The following PDE4D variants were observed in gnomAD, a reference collection of about 807,000 sequenced individuals.
PDE4D encodes 3',5'-cyclic-AMP phosphodiesterase 4D.
A neutral mutation model predicts 87.4 loss-of-function variants in PDE4D; 24 were observed. That is an observed-to-expected ratio of 0.27 (90% CI 0.20 to 0.39). The LOEUF (loss-of-function observed/expected upper bound fraction) is 0.39, where lower values mean the gene tolerates loss of function less well. Ranked by LOEUF, PDE4D falls within the 10% of genes least tolerant of loss-of-function variation. PDE4D has a pLI of 1.00. For synonymous variants in PDE4D, 384 were observed against 383.2 expected, an observed-to-expected ratio of 1.00 and a Z score of -0.02; for missense variants, 714 against 1,041.0, an observed-to-expected ratio of 0.69 and a Z score of 4.32.
intron 5 of PDE4D, among the ~76,000 whole-genome samples, chr5:59,132,514 C>T (rs1263237607): frequency 6.6e-6 from 1 of 152,174 alleles, no homozygotes; most frequent in Non-Finnish European, 1.5e-5. Context: ...ATCCAGAGGA[C>T]CTTATTCAAT....
At chr5:59,819,461 ACACAC>A (rs148178575) in intron 1 of PDE4D, among the ~76,000 whole-genome samples, 1 of 152,250 alleles carries the variant, frequency 6.6e-6, no homozygotes, top group African/African-American at 2.4e-5. Flanking sequence ...TCAGAATTTT[ACACAC>A]CACAGCATTG....
At chr5:60,391,782 G>A (rs1018615519) in intron 1 of PDE4D, among the ~76,000 whole-genome samples, 1 of 152,134 alleles carries the variant, frequency 6.6e-6, no homozygotes, top group Non-Finnish European at 1.5e-5. Flanking sequence ...TTCCAGAGAT[G>A]AGAACATAAA....
chr5:60,071,334 C>T (rs1425617043), intron 2 of PDE4D, among the ~76,000 whole-genome samples: 1 of 151,864 alleles, frequency 6.6e-6, no homozygotes, highest in Non-Finnish European at 1.5e-5. Flanking sequence ...AAATGGGATG[C>T]ATTCTTTAAT....
chr5:59,639,851 G>C (rs1741261029), intron 1 of PDE4D, among the ~76,000 whole-genome samples: 2 of 129,422 alleles, frequency 1.5e-5, no homozygotes, highest in South Asian at 5.3e-4. Context: ...GTGTGTGTGT[G>C]TGTGTGATGG....
intron 1 of PDE4D, among the ~76,000 whole-genome samples, chr5:59,750,045 C>A (rs1331622781): frequency 6.7e-6 from 1 of 148,284 alleles, no homozygotes; most frequent in Non-Finnish European, 1.5e-5. Context: ...TCCACAAATT[C>A]TGTTGGCTGT....
At chr5:60,066,592 T>TATCATCATCATCATCATCATCATC (rs55735827) in intron 2 of PDE4D, among the ~76,000 whole-genome samples, 1 of 149,580 alleles carries the variant, frequency 6.7e-6, no homozygotes, top group African/African-American at 2.5e-5. Flanking sequence ...TAAAGCAAAT[T>TATCATCATCATCATCATCATCATC]ATCATCATCA....
intron 1 of PDE4D, among the ~76,000 whole-genome samples, chr5:60,398,132 A>C (rs1282640690): frequency 6.6e-6 from 1 of 152,202 alleles, no homozygotes; most frequent in South Asian, 2.1e-4. Flanking sequence ...AATAAAAAAA[A>C]TTGCCCAAGA....
At chr5:60,271,193 T>C (rs1479025894) in intron 1 of PDE4D, among the ~76,000 whole-genome samples, 2 of 152,214 alleles carry the variant, frequency 1.3e-5, no homozygotes, top group East Asian at 1.9e-4. Context: ...TTAAAAATTC[T>C]TCAAAAACAG....
At chr5:59,133,986 G>GTTGT in intron 5 of PDE4D, among the ~76,000 whole-genome samples, 1 of 150,144 alleles carries the variant, frequency 6.7e-6, no homozygotes, top group African/African-American at 2.5e-5. Flanking sequence ...AACTAGTTTT[G>GTTGT]TTGTTGTTGT....
intron 2 of PDE4D, among the ~76,000 whole-genome samples, chr5:60,164,578 T>A (rs1782728731): frequency 6.6e-6 from 1 of 152,204 alleles, no homozygotes; most frequent in African/African-American, 2.4e-5. Flanking sequence ...TCACTACTTA[T>A]AAGCAAATAT....
chr5:59,319,116 C>A (rs974916499), intron 1 of PDE4D, among the ~76,000 whole-genome samples: 3 of 151,232 alleles, frequency 2.0e-5, no homozygotes, highest in Non-Finnish European at 4.4e-5. Context: ...TGTGCAGTAT[C>A]CTTAAACTAC....
intron 6 of PDE4D, among the ~76,000 whole-genome samples, chr5:58,998,423 T>C (rs1749716099): frequency 1.3e-5 from 2 of 152,138 alleles, no homozygotes; most frequent in African/African-American, 4.8e-5. Flanking sequence ...TCTATACTTT[T>C]CTGCATTTCT....
intron 2 of PDE4D, among the ~76,000 whole-genome samples, chr5:60,088,276 A>T (rs1307958115): frequency 6.6e-6 from 1 of 152,046 alleles, no homozygotes; most frequent in Non-Finnish European, 1.5e-5. Context: ...AATCTGAAAA[A>T]AAAATGGATG....
chr5:59,382,191 T>C (rs1785998916), intron 1 of PDE4D, among the ~76,000 whole-genome samples: 1 of 152,112 alleles, frequency 6.6e-6, no homozygotes, highest in Non-Finnish European at 1.5e-5. Context: ...ATACAAACAC[T>C]GCATAGATTT....
chr5:60,021,942 G>C (rs1766107990), intron 2 of PDE4D: 1 of 152,088 alleles, frequency 6.6e-6, no homozygotes, highest in African/African-American at 2.4e-5. Flanking sequence ...CAAACTCCTA[G>C]GCCCAAGTGA....
At chr5:59,015,189 A>G (rs150521324) in intron 6 of PDE4D, among the ~76,000 whole-genome samples, 5,053 of 152,260 alleles carry the variant, frequency 0.033, 141 homozygotes, top group Non-Finnish European at 0.054. Flanking sequence ...AACCTAAGCA[A>G]TACCATTCAG....
chr5:60,043,211 A>T (rs944745036), intron 2 of PDE4D, among the ~76,000 whole-genome samples: 1 of 151,960 alleles, frequency 6.6e-6, no homozygotes, highest in East Asian at 1.9e-4. Context: ...TTGAAGATCA[A>T]TTTAATGAAA....
rs1754872416 is a variant in PDE4D at position 59,020,300 on chromosome 5, C to T, written c.921+18559G>A. 2.6e-5 allele frequency among the ~76,000 whole-genome samples: 4 copies of T among 151,814 alleles called. No individual in the cohort carries two copies. In the South Asian group the frequency reaches 8.4e-4, roughly 32 times the overall value. Reference sequence around the variant, plus strand: ...GACCAGCCTGGCCAACATGGTGAAACCCCATCTCTACTAAAAACACAAAAA... The same window carrying T: ...GACCAGCCTGGCCAACATGGTGAAATCCCATCTCTACTAAAAACACAAAAA... On this transcript the variant is annotated intron_variant, in intron 6 of 14. Transcript: ENST00000340635.
At chr5:60,391,984 G>A (rs551267490) in intron 1 of PDE4D, among the ~76,000 whole-genome samples, 1 of 152,304 alleles carries the variant, frequency 6.6e-6, no homozygotes, top group South Asian at 2.1e-4. Context: ...TTCTGAAACT[G>A]TTGGTTTTAT....
Sources: allele counts gnomAD v4.1 joint callset (sites outside exome capture counted in the v4.1 genomes callset), GRCh38; gene constraint gnomAD v4.1.1; transcripts MANE v1.5; gene names NCBI Gene and HGNC (gene_info 2026-07-23, HGNC 2026-07-21).